Variants in TGFBR2 observed in about 807,000 individuals in gnomAD.
The protein encoded by TGFBR2 is TGF-beta receptor type-2.
Under a neutral mutation model 49.0 loss-of-function variants are expected in TGFBR2, and 18 were observed. The observed-to-expected ratio is 0.37, with a 90% confidence interval of 0.25 to 0.54. The LOEUF is 0.54. Ranked by LOEUF, TGFBR2 falls within the 20% of genes least tolerant of loss-of-function variation. TGFBR2 has a pLI of 0.85. For missense variants in TGFBR2, 525 were observed against 722.6 expected, an observed-to-expected ratio of 0.73 and a Z score of 3.13; for synonymous variants, 282 against 275.9, an observed-to-expected ratio of 1.02 and a Z score of -0.22.
intron 3 of TGFBR2, among the ~76,000 whole-genome samples, chr3:30,667,184 T>G (rs904250632): frequency 1.3e-5 from 2 of 152,210 alleles, no homozygotes; most frequent in Non-Finnish European, 2.9e-5. Context: ...AATTTAAATA[T>G]TCTATAAAAT....
intron 1 of TGFBR2, among the ~76,000 whole-genome samples, chr3:30,622,278 C>T (rs1381028133): frequency 6.6e-6 from 1 of 152,118 alleles, no homozygotes; most frequent in Non-Finnish European, 1.5e-5. Context: ...CACTCTTGTG[C>T]TCTCTAAATT....
At chr3:30,654,155 A>C (rs1189997623) in intron 3 of TGFBR2, among the ~76,000 whole-genome samples, 1 of 152,210 alleles carries the variant, frequency 6.6e-6, no homozygotes, top group African/African-American at 2.4e-5. Flanking sequence ...AATGCTAGAC[A>C]AATTCAAACA....
chr3:30,612,606 A>G (rs1379312703), intron 1 of TGFBR2, among the ~76,000 whole-genome samples: 1 of 152,160 alleles, frequency 6.6e-6, no homozygotes, highest in African/African-American at 2.4e-5. Flanking sequence ...CCACAGTTTG[A>G]CAATGGTGTC....
rs1057524810 is a variant in TGFBR2, at chr3:30,691,505, G to A, written c.1610G>A (p.Arg537His). Residue 537 changes from arginine (R) to histidine (H), a missense_variant, in exon 7 of 7, where the codon CGC becomes CAC. Transcript: ENST00000295754. ...ARLTAQCVAE[R>H]FSELEHLDRL... is the part of the protein sequence containing the mutation. ...CTCACAGCCCAGTGTGTGGCAGAAC[G>A]CTTCAGTGAGCTGGAGCATCTGGAC... 4 of 1,614,134 alleles carry A rather than the reference G, an allele frequency of 2.5e-6. No individual in the cohort carries two copies. Among genetic ancestry groups the A allele is most frequent in the African/African-American group, 1.3e-5 (1 of 75,046 alleles).
chr3:30,633,245 CA>C (rs1184184792), intron 1 of TGFBR2, among the ~76,000 whole-genome samples: 2 of 152,088 alleles, frequency 1.3e-5, no homozygotes, highest in Non-Finnish European at 2.9e-5. Context: ...GACAAAATTG[CA>C]TGGTGGTTGT....
intron 1 of TGFBR2, among the ~76,000 whole-genome samples, chr3:30,641,622 C>A (rs1323089014): frequency 6.6e-6 from 1 of 152,146 alleles, no homozygotes; most frequent in African/African-American, 2.4e-5. Flanking sequence ...TATGCTGTAT[C>A]TTAGGCAACT....
intron 5 of TGFBR2, among the ~76,000 whole-genome samples, chr3:30,682,420 C>T (rs1699555990): frequency 6.6e-6 from 1 of 152,156 alleles, no homozygotes; most frequent in Non-Finnish European, 1.5e-5. Flanking sequence ...CTCTTAGAGG[C>T]AATTCCAATT....
At chr3:30,628,528 G>GTTTTTT (rs569832149) in intron 1 of TGFBR2, among the ~76,000 whole-genome samples, 30 of 80,190 alleles carry the variant, frequency 3.7e-4, no homozygotes, top group Admixed American at 5.4e-4. Flanking sequence ...AAGCCTGTGG[G>GTTTTTT]TTTTTTTTTT....
chr3:30,621,463 T>A (rs888663309), intron 1 of TGFBR2, among the ~76,000 whole-genome samples: 1 of 152,084 alleles, frequency 6.6e-6, no homozygotes, highest in African/African-American at 2.4e-5. Flanking sequence ...GTATTTTTAG[T>A]AGAGACAGGG....
intron 1 of TGFBR2, among the ~76,000 whole-genome samples, chr3:30,608,672 T>C (rs1697980994): frequency 6.6e-6 from 1 of 152,194 alleles, no homozygotes; most frequent in Non-Finnish European, 1.5e-5. Flanking sequence ...GGCATGGAGA[T>C]GGAAGCTTTT....
chr3:30,641,822 C>G (rs924379700), intron 1 of TGFBR2, among the ~76,000 whole-genome samples: 4 of 152,078 alleles, frequency 2.6e-5, no homozygotes, highest in African/African-American at 9.7e-5. Context: ...GGCCCCGTTA[C>G]AGTGGTGCTC....
intron 1 of TGFBR2, among the ~76,000 whole-genome samples, chr3:30,611,699 T>G (rs922061206): frequency 6.6e-6 from 1 of 152,102 alleles, no homozygotes; most frequent in African/African-American, 2.4e-5. Flanking sequence ...TTTTGGTTTA[T>G]AAGGGTGAAG....
Position 30,611,790 on chromosome 3 carries a change from G to A in TGFBR2, c.94+4813G>A, listed in dbSNP as rs138588030. 4.2e-3 allele frequency among the ~76,000 whole-genome samples: 639 copies of A among 152,154 alleles called. 2 individuals carry two copies. The highest frequency in any genetic ancestry group is 7.4e-3 in the Non-Finnish European group (503 of 67,990). ...AGCGTGGATATTATTTAGGTCTGATGCAAACCACCAAAGCAGTTTTAAATA... is the reference window on the plus strand; with the variant it reads ...AGCGTGGATATTATTTAGGTCTGATACAAACCACCAAAGCAGTTTTAAATA... On this transcript the variant is annotated intron_variant, in intron 1 of 6. Transcript: ENST00000295754.
At chr3:30,624,293 A>G (rs549360013) in intron 1 of TGFBR2, among the ~76,000 whole-genome samples, 6 of 152,202 alleles carry the variant, frequency 3.9e-5, no homozygotes, top group South Asian at 2.1e-4. Context: ...GCCTACCTCT[A>G]TGACTGACAT....
chr3:30,623,953 C>T (rs978334434), intron 1 of TGFBR2, among the ~76,000 whole-genome samples: 3 of 152,098 alleles, frequency 2.0e-5, no homozygotes, highest in Non-Finnish European at 4.4e-5. Context: ...ACCAGCCTGA[C>T]CAACATGGTG....
intron 6 of TGFBR2, among the ~76,000 whole-genome samples, chr3:30,688,782 A>T (rs1699665848): frequency 6.6e-6 from 1 of 152,224 alleles, no homozygotes; most frequent in Non-Finnish European, 1.5e-5. Context: ...CTGGGTTAAA[A>T]CATTTTGTTT....
At position 30,644,809 on chromosome 3, in the gene TGFBR2, T is replaced by G; in HGVS notation, c.157T>G (p.Phe53Val). The change falls in exon 2 of 7, where the codon TTT becomes GTT. Residue 53 changes from phenylalanine (F) to valine (V), a missense_variant. Phe to Val is a conservative substitution (Grantham distance 50). Coordinates refer to ENST00000295754, the MANE Select transcript of TGFBR2 (RefSeq NM_003242.6). ...GAVKFPQLCKFCDVRFSTCDN... is the reference protein window; with the variant it reads ...GAVKFPQLCKVCDVRFSTCDN... ...AGTCAAGTTTCCACAACTGTGTAAATTTTGTGATGTGAGATTTTCCACCTG... is the reference window on the plus strand; with the variant it reads ...AGTCAAGTTTCCACAACTGTGTAAAGTTTGTGATGTGAGATTTTCCACCTG... 3.1e-6 allele frequency: 5 copies of G among 1,614,136 alleles called. No homozygotes were observed. The highest frequency in any genetic ancestry group is 4.2e-6 in the Non-Finnish European group (5 of 1,179,978).
intron 5 of TGFBR2, among the ~76,000 whole-genome samples, chr3:30,685,107 C>T (rs1699599822): frequency 6.6e-6 from 1 of 152,186 alleles, no homozygotes; most frequent in Admixed American, 6.5e-5. Flanking sequence ...TTGGTCATGT[C>T]CTCCTCTGTC....
At chr3:30,640,960 G>A (rs1476173085) in intron 1 of TGFBR2, among the ~76,000 whole-genome samples, 1 of 152,192 alleles carries the variant, frequency 6.6e-6, no homozygotes, top group Non-Finnish European at 1.5e-5. Flanking sequence ...GTAAGGAGAT[G>A]TTGTTTGATA....
Sources: gnomAD v4.1 joint callset for allele counts (sites outside exome capture counted in the v4.1 genomes callset) on GRCh38, gnomAD v4.1.1 for gene constraint, MANE v1.5 for transcripts, NCBI Gene and HGNC (gene_info 2026-07-23, HGNC 2026-07-21) for gene names.